SNX25: variants seen among roughly 807,000 people sequenced by gnomAD.
SNX25 encodes sorting nexin-25.
SNX25 carries 62 observed loss-of-function variants against 113.7 expected under a neutral mutation model. The observed-to-expected ratio is 0.55, with a 90% CI of 0.44 to 0.67. The LOEUF (loss-of-function observed/expected upper bound fraction) is 0.67. SNX25 is among the 30% of genes least tolerant of loss of function. The pLI, the probability that SNX25 is intolerant of heterozygous loss-of-function variation, is 0.00. For missense variants in SNX25, 1,014 were observed against 1,161.0 expected (o/e 0.87, Z 1.84); for synonymous variants, 421 against 436.2 (o/e 0.97, Z 0.43).
chr4:185,332,253 A>G (rs942667996), intron 9 of SNX25, among the ~76,000 whole-genome samples: 2 of 152,202 alleles, frequency 1.3e-5, no homozygotes, highest in African/African-American at 4.8e-5. Flanking sequence ...TTGGTTGAAC[A>G]TTAGGTACAG....
At chr4:185,239,300 G>T (rs549086251) in intron 1 of SNX25, among the ~76,000 whole-genome samples, 2 of 151,800 alleles carry the variant, frequency 1.3e-5, no homozygotes, top group Non-Finnish European at 2.9e-5. Context: ...TGGCCAACAC[G>T]GTGAAACTCC....
chr4:185,234,681 C>CAAAAAAAAAAAAAAAAAA (rs369613640), intron 1 of SNX25, among the ~76,000 whole-genome samples: 1 of 16,174 alleles, frequency 6.2e-5, no homozygotes, highest in African/African-American at 2.1e-4. Context: ...GACTCTGTCT[C>CAAAAAAAAAAAAAAAAAA]AAAAAAAAAA....
chr4:185,311,389 A>G (rs965647762), intron 7 of SNX25, among the ~76,000 whole-genome samples: 1 of 152,166 alleles, frequency 6.6e-6, no homozygotes, highest in East Asian at 1.9e-4. Context: ...TGTACTGTAA[A>G]ACTTCAGACT....
At chr4:185,351,686 G>A (rs929884257) in intron 14 of SNX25, 77 bp downstream of exon 14, 7 of 1,450,668 alleles carry the variant, frequency 4.8e-6, no homozygotes, top group Middle Eastern at 1.8e-4. Flanking sequence ...ATGGGGGGAA[G>A]CAAATCCCTC....
chr4:185,277,391 A>G (rs1331167574), intron 5 of SNX25, among the ~76,000 whole-genome samples: 1 of 152,188 alleles, frequency 6.6e-6, no homozygotes, highest in East Asian at 1.9e-4. Flanking sequence ...GTGACTCCCA[A>G]GGTCTGTTGA....
At chr4:185,362,784 G>A (rs1417253503) in intron 18 of SNX25, 73 bp downstream of exon 18, 2 of 1,109,098 alleles carry the variant, frequency 1.8e-6, no homozygotes, top group African/African-American at 3.2e-5. Flanking sequence ...GAAAAAACAT[G>A]TGCCCCAGTG....
chr4:185,315,338 G>C (rs975492373), intron 7 of SNX25, among the ~76,000 whole-genome samples: 4 of 144,714 alleles, frequency 2.8e-5, no homozygotes, highest in African/African-American at 1.0e-4. Context: ...CTGTTGTTCA[G>C]GCTGGAGTGC....
At chr4:185,348,796 G>A (rs191834689) in intron 13 of SNX25, among the ~76,000 whole-genome samples, 1 of 152,246 alleles carries the variant, frequency 6.6e-6, no homozygotes, top group Non-Finnish European at 1.5e-5. Context: ...ACCCTACTGA[G>A]CAACAGAACA....
At chr4:185,329,940 C>T (rs2095182697) in intron 9 of SNX25, among the ~76,000 whole-genome samples, 1 of 152,124 alleles carries the variant, frequency 6.6e-6, no homozygotes, top group East Asian at 1.9e-4. Context: ...GTGGGATGGG[C>T]TGCTGCTGCC....
chr4:185,225,092 A>G (rs1579357493), intron 1 of SNX25, among the ~76,000 whole-genome samples: 1 of 151,006 alleles, frequency 6.6e-6, no homozygotes, highest in Non-Finnish European at 1.5e-5. Context: ...ATCACCCAGT[A>G]GTTAGATTTT....
chr4:185,222,750 C>T (rs72708005), intron 1 of SNX25, among the ~76,000 whole-genome samples: 9,004 of 152,172 alleles, frequency 0.059, 335 homozygotes, highest in East Asian at 0.13. Context: ...GAATGAATAA[C>T]TGGGAATGAG....
At chr4:185,346,437 A>G in intron 12 of SNX25, 100 bp from the exon 13 acceptor site, 1 of 785,324 alleles carries the variant, frequency 1.3e-6, no homozygotes, top group Non-Finnish European at 2.0e-6. Flanking sequence ...GAACAAGTAC[A>G]GGAGGAGGAT....
intron 6 of SNX25, among the ~76,000 whole-genome samples, chr4:185,308,877 C>T (rs1754860172): frequency 2.0e-5 from 3 of 152,168 alleles, no homozygotes; most frequent in Admixed American, 1.3e-4. Flanking sequence ...TAGACCTTCT[C>T]TCTCCACCTA....
intron 16 of SNX25, among the ~76,000 whole-genome samples, chr4:185,358,264 C>T (rs141569328): frequency 6.6e-6 from 1 of 152,312 alleles, no homozygotes; most frequent in East Asian, 1.9e-4. Context: ...TCATCTAGCA[C>T]TGTTACAAGC....
intron 1 of SNX25, among the ~76,000 whole-genome samples, chr4:185,242,461 T>G (rs1579442594): frequency 6.6e-6 from 1 of 152,228 alleles, no homozygotes; most frequent in Admixed American, 6.5e-5. Context: ...GAGCCCCCTT[T>G]GGGTTCAGTT....
chr4:185,361,490 C>T (rs542908455), intron 16 of SNX25, among the ~76,000 whole-genome samples: 9 of 152,328 alleles, frequency 5.9e-5, no homozygotes, highest in African/African-American at 2.2e-4. Context: ...CTAATCCCAG[C>T]ACCTTGGGAG....
At chr4:185,214,574 T>A (rs923486946) in intron 1 of SNX25, among the ~76,000 whole-genome samples, 1 of 151,760 alleles carries the variant, frequency 6.6e-6, no homozygotes, top group African/African-American at 2.4e-5. Flanking sequence ...CCCTGTACCT[T>A]AAAAAAATAA....
At chr4:185,261,825 GAAAAA>G (rs1172669140) in intron 3 of SNX25, among the ~76,000 whole-genome samples, 1 of 151,826 alleles carries the variant, frequency 6.6e-6, no homozygotes, top group Non-Finnish European at 1.5e-5. Flanking sequence ...ACAAAATAAA[GAAAAA>G]AAATCCTGCC....
At chr4:185,234,240 T>C (rs977730331) in intron 1 of SNX25, among the ~76,000 whole-genome samples, 1 of 152,162 alleles carries the variant, frequency 6.6e-6, no homozygotes, top group Non-Finnish European at 1.5e-5. Flanking sequence ...TTAATACTTA[T>C]TTTTCTTTTA....
Sources: gnomAD v4.1 joint callset for allele counts (sites outside exome capture counted in the v4.1 genomes callset) on GRCh38, gnomAD v4.1.1 for gene constraint, MANE v1.5 for transcripts, NCBI Gene and HGNC (gene_info 2026-07-23, HGNC 2026-07-21) for gene names.